The following PNLIPRP3 variants were observed in gnomAD, a reference collection of about 807,000 sequenced individuals.
PNLIPRP3 encodes pancreatic lipase-related protein 3.
In PNLIPRP3, 58 loss-of-function variants were observed where a neutral mutation model predicts 52.8. That is an observed-to-expected ratio of 1.10 (90% confidence interval 0.89 to 1.37). PNLIPRP3 has a LOEUF of 1.37. Among genes scored for constraint, PNLIPRP3 ranks in the 40% most tolerant of loss-of-function variants. PNLIPRP3 has a pLI of 0.00. For synonymous variants in PNLIPRP3, 192 were observed against 185.0 expected (o/e 1.04, Z -0.31); for missense variants, 593 against 561.6 (o/e 1.06, Z -0.57).
At chr10:116,465,577 T>C (rs1846268051) in intron 7 of PNLIPRP3, among the ~76,000 whole-genome samples, 1 of 151,642 alleles carries the variant, frequency 6.6e-6, no homozygotes, top group Non-Finnish European at 1.5e-5. Flanking sequence ...AAAAACCTTG[T>C]TCAGAAAGAA....
intron 9 of PNLIPRP3, 136 bp downstream of exon 9, chr10:116,469,453 G>A: frequency 1.2e-6 from 1 of 866,736 alleles, no homozygotes; most frequent in Non-Finnish European, 1.7e-6. Context: ...AACACAGTGA[G>A]GTCTTTAATT....
At chr10:116,464,131 A>G (rs1256655403) in intron 7 of PNLIPRP3, among the ~76,000 whole-genome samples, 2 of 152,236 alleles carry the variant, frequency 1.3e-5, no homozygotes, top group Non-Finnish European at 2.9e-5. Context: ...ATGCTTGATA[A>G]TGACAAAACT....
intron 2 of PNLIPRP3, among the ~76,000 whole-genome samples, chr10:116,440,310 T>C (rs1472842130): frequency 6.6e-6 from 1 of 152,126 alleles, no homozygotes; most frequent in Non-Finnish European, 1.5e-5. Flanking sequence ...AGTGTTTAGG[T>C]GAAGCTGGGT....
At chr10:116,473,327 A>G (rs1846404246) in intron 10 of PNLIPRP3, among the ~76,000 whole-genome samples, 1 of 152,230 alleles carries the variant, frequency 6.6e-6, no homozygotes, top group Non-Finnish European at 1.5e-5. Context: ...CAGAATCAAT[A>G]TCATTAAAAT....
intron 2 of PNLIPRP3, chr10:116,439,979 A>C: frequency 1.2e-6 from 1 of 803,856 alleles, no homozygotes. Context: ...TCTTCTCTGC[A>C]CGTCTGCACG....
intron 1 of PNLIPRP3, among the ~76,000 whole-genome samples, chr10:116,431,869 C>T (rs889744760): frequency 3.9e-5 from 6 of 152,044 alleles, no homozygotes; most frequent in Non-Finnish European, 5.9e-5. Context: ...CTTTCCTTCC[C>T]TCTGTCTGGA....
At chr10:116,455,362 A>G (rs1190023044) in intron 4 of PNLIPRP3, among the ~76,000 whole-genome samples, 1 of 152,082 alleles carries the variant, frequency 6.6e-6, no homozygotes. Context: ...TGTAGGAATG[A>G]GCTGCCTTTG....
chr10:116,435,631 G>A (rs1374682392), intron 1 of PNLIPRP3, among the ~76,000 whole-genome samples: 2 of 152,144 alleles, frequency 1.3e-5, no homozygotes, highest in Non-Finnish European at 2.9e-5. Context: ...TAACAAGTGT[G>A]GGATGATATC....
chr10:116,432,405 G>A (rs1029582629), intron 1 of PNLIPRP3, among the ~76,000 whole-genome samples: 4 of 151,954 alleles, frequency 2.6e-5, no homozygotes, highest in Non-Finnish European at 5.9e-5. Flanking sequence ...AGAATTCTTA[G>A]GCCAAAGGGG....
chr10:116,447,054 C>T (rs1845963732), intron 4 of PNLIPRP3, among the ~76,000 whole-genome samples: 1 of 152,102 alleles, frequency 6.6e-6, no homozygotes, highest in Non-Finnish European at 1.5e-5. Flanking sequence ...TCACTATAGC[C>T]CCTTCCCCTA....
At chr10:116,438,398 A>T (rs1845808023) in intron 2 of PNLIPRP3, among the ~76,000 whole-genome samples, 1 of 152,208 alleles carries the variant, frequency 6.6e-6, no homozygotes, top group South Asian at 2.1e-4. Context: ...GGCCCATCAC[A>T]TACTGCTGGG....
chr10:116,450,081 A>G (rs1048039728), intron 4 of PNLIPRP3, among the ~76,000 whole-genome samples: 1 of 152,192 alleles, frequency 6.6e-6, no homozygotes, highest in Non-Finnish European at 1.5e-5. Context: ...ACCAAAACCT[A>G]TGGGATTCAG....
intron 1 of PNLIPRP3, among the ~76,000 whole-genome samples, chr10:116,432,459 T>G (rs1270541332): frequency 6.6e-6 from 1 of 151,966 alleles, no homozygotes; most frequent in African/African-American, 2.4e-5. Context: ...ATACAATGAC[T>G]CAAGAACTGA....
At chr10:116,466,605 T>G (rs1846285341) in intron 8 of PNLIPRP3, among the ~76,000 whole-genome samples, 1 of 152,202 alleles carries the variant, frequency 6.6e-6, no homozygotes, top group African/African-American at 2.4e-5. Flanking sequence ...TAAAATTTAA[T>G]TATTTATACA....
chr10:116,449,846 G>C (rs1846010770), intron 4 of PNLIPRP3, among the ~76,000 whole-genome samples: 1 of 152,110 alleles, frequency 6.6e-6, no homozygotes, highest in South Asian at 2.1e-4. Flanking sequence ...TCACAAGTGA[G>C]GTCAGAACAA....
At chr10:116,436,407 G>GA (rs1564692478) in intron 1 of PNLIPRP3, among the ~76,000 whole-genome samples, 1 of 152,066 alleles carries the variant, frequency 6.6e-6, no homozygotes, top group Non-Finnish European at 1.5e-5. Flanking sequence ...GAAAACATAC[G>GA]AAAAATCTCC....
At chr10:116,436,537 A>T (rs1845776077) in intron 1 of PNLIPRP3, among the ~76,000 whole-genome samples, 174 bp from the exon 2 acceptor site, 2 of 152,218 alleles carry the variant, frequency 1.3e-5, no homozygotes, top group East Asian at 3.8e-4. Context: ...CAGTAAAGGA[A>T]CTAGTCAACA....
intron 7 of PNLIPRP3, 95 bp downstream of exon 7, chr10:116,461,385 T>C: frequency 1.4e-6 from 2 of 1,385,030 alleles, no homozygotes; most frequent in South Asian, 1.4e-5. Context: ...AATATACATA[T>C]AAAATGTATT....
At chr10:116,440,180 A>T in intron 2 of PNLIPRP3, 1 of 563,492 alleles carries the variant, frequency 1.8e-6, no homozygotes, top group Non-Finnish European at 3.2e-6. Flanking sequence ...GACTAACTCT[A>T]TTCCCTGATC....
Sources: allele counts gnomAD v4.1 joint callset (sites outside exome capture counted in the v4.1 genomes callset), GRCh38; gene constraint gnomAD v4.1.1; transcripts MANE v1.5; gene names NCBI Gene and HGNC (gene_info 2026-07-23, HGNC 2026-07-21).